Variants in RINT1 observed in about 807,000 individuals in gnomAD.
RINT1 encodes RAD50 interactor 1.
RINT1 carries 75 observed loss-of-function variants against 97.7 expected under a neutral mutation model. The observed-to-expected ratio is 0.77, with a 90% CI of 0.64 to 0.93. RINT1 has a LOEUF of 0.93. RINT1 is among the 40% of genes least tolerant of loss of function. The probability of loss-of-function intolerance (pLI) is 0.00; values close to 1 mark genes in which losing one functional copy is unlikely to be tolerated. For synonymous variants in RINT1, 303 were observed against 326.3 expected (o/e 0.93, Z 0.77); for missense variants, 892 against 925.2 (o/e 0.96, Z 0.47).
In RINT1 at chr7:105,536,602, A is replaced by C. The variant is rs767609311; in HGVS notation, c.126A>C (p.Gln42His). ...INVTVLIGSKQVSEGTDNGDL... is the reference protein window; with the variant it reads ...INVTVLIGSKHVSEGTDNGDL... Reference sequence around the variant, plus strand: ...TTACAGTTCTTATTGGAAGTAAACAAGTCAGTGAAGGTACAGATAATGGTG... The same window carrying C: ...TTACAGTTCTTATTGGAAGTAAACACGTCAGTGAAGGTACAGATAATGGTG... Residue 42 changes from glutamine (Q) to histidine (H), a missense_variant, in exon 3 of 15, where the codon CAA becomes CAC. By Grantham distance (24) the Gln-to-His change is conservative. Transcript: ENST00000257700. The C allele has an allele frequency of 5.6e-6, 9 of 1,605,114 alleles. No individual in the cohort carries two copies. In the East Asian group the frequency reaches 8.9e-5, roughly 16 times the overall value.
chr7:105,559,338 C>T (rs760523935), intron 11 of RINT1, among the ~76,000 whole-genome samples: 2 of 151,114 alleles, frequency 1.3e-5, no homozygotes, highest in African/African-American at 2.4e-5. Flanking sequence ...GTCAGGAGTT[C>T]GAGACCAGCC....
At chr7:105,543,249 C>A (rs1790534577) in intron 4 of RINT1, among the ~76,000 whole-genome samples, 1 of 152,024 alleles carries the variant, frequency 6.6e-6, no homozygotes, top group South Asian at 2.1e-4. Flanking sequence ...CTTTGTAATG[C>A]CAAATTAATA....
chr7:105,566,183 CAGG>C (rs1319931580), intron 14 of RINT1: 2 of 148,468 alleles, frequency 1.3e-5, no homozygotes, highest in Non-Finnish European at 3.0e-5. Context: ...GAGGCTGAGG[CAGG>C]AGAATGATGT....
chr7:105,541,300 C>A (rs1316327408), intron 3 of RINT1, among the ~76,000 whole-genome samples: 1 of 150,340 alleles, frequency 6.7e-6, no homozygotes, highest in Non-Finnish European at 1.5e-5. Context: ...CCAAACCTGG[C>A]TAGTTTTTGT....
At chr7:105,559,133 G>A (rs976287880) in intron 11 of RINT1, among the ~76,000 whole-genome samples, 2 of 151,054 alleles carry the variant, frequency 1.3e-5, no homozygotes, top group Non-Finnish European at 3.0e-5. Flanking sequence ...GGTGGCTCAC[G>A]CCTGTAATCC....
In RINT1 at chr7:105,550,375, T is replaced by C; in HGVS notation, c.1222T>C (p.Phe408Leu). Residue 408 changes from phenylalanine (F) to leucine (L), a missense_variant, in exon 9 of 15, where the codon TTT becomes CTT. Physicochemically the swap from Phe to Leu is conservative, Grantham distance 22 (BLOSUM62 0). Transcript: ENST00000257700. ...TCATTTGGTGGATGAAGTACTCTTGTTTGAAAGGGAGCTACACAGTGTTCA... is the reference window on the plus strand; with the variant it reads ...TCATTTGGTGGATGAAGTACTCTTGCTTGAAAGGGAGCTACACAGTGTTCA... ...FCHLVDEVLL[F>L]ERELHSVHGY... 6.2e-7 allele frequency: 1 copy of C among 1,614,136 alleles called. No individual in the cohort carries two copies. The highest frequency in any genetic ancestry group is 1.1e-5 in the South Asian group (1 of 91,090).
chr7:105,532,217 C>G lies in RINT1; in HGVS notation c.-99C>G, dbSNP rs1188717613. The G allele has an allele frequency of 1.5e-6, 2 of 1,354,910 alleles. No homozygotes were observed. Among genetic ancestry groups the G allele is most frequent in the Admixed American group, 4.2e-5 (2 of 47,954 alleles). The allele number at this position is 1,354,910 out of a possible 1,614,324, so 83.9% of individuals were successfully genotyped here. A position where few individuals can be genotyped will look rare whatever the true frequency, so the allele number is the denominator to read the frequency against. ...GAAGTCGCTGTGGCACTCAGTCCTA[C>G]GGCCTCCGAGGCTGGGTAGTGAGTG... On this transcript the variant is annotated 5_prime_UTR_variant, in exon 1 of 15. Coordinates refer to ENST00000257700, the MANE Select transcript of RINT1 (RefSeq NM_021930.6).
chr7:105,560,734 T>C (rs537894664), intron 11 of RINT1, among the ~76,000 whole-genome samples: 2 of 152,290 alleles, frequency 1.3e-5, no homozygotes. Flanking sequence ...TTGGTTTTTT[T>C]TTTGAGACAA....
chr7:105,563,609 G>A (rs1791541043), intron 11 of RINT1, 124 bp from the exon 12 acceptor site: 3 of 768,394 alleles, frequency 3.9e-6, no homozygotes, highest in South Asian at 1.8e-5. Flanking sequence ...TGGGATTACA[G>A]GCATGAGCCA....
intron 7 of RINT1, among the ~76,000 whole-genome samples, chr7:105,549,424 C>T (rs1790830797): frequency 6.6e-6 from 1 of 151,998 alleles, no homozygotes; most frequent in South Asian, 2.1e-4. Context: ...TCTCGGCTCA[C>T]TGCAACCTCT....
At chr7:105,547,137 A>G (rs777965102) in intron 5 of RINT1, 47 bp from the exon 6 acceptor site, 2 of 1,612,370 alleles carry the variant, frequency 1.2e-6, no homozygotes, top group African/African-American at 2.7e-5. Context: ...GTATTTGGTG[A>G]TCATTTGGTG....
At chr7:105,533,364 G>A (rs1039800537) in intron 2 of RINT1, among the ~76,000 whole-genome samples, 1 of 152,184 alleles carries the variant, frequency 6.6e-6, no homozygotes, top group Admixed American at 6.5e-5. Context: ...GACTGGACAG[G>A]AAAGGGGGAA....
At chr7:105,542,971 A>G (rs1790520815) in intron 4 of RINT1, among the ~76,000 whole-genome samples, 1 of 149,732 alleles carries the variant, frequency 6.7e-6, no homozygotes, top group Non-Finnish European at 1.5e-5. Flanking sequence ...TGCAAGCTAC[A>G]CCTCCCGGGT....
In RINT1 at chr7:105,551,722, T is replaced by A; in HGVS notation, c.1471+15T>A. The A allele has an allele frequency of 6.3e-7, 1 of 1,577,518 alleles. No homozygotes were observed. Among genetic ancestry groups the A allele is most frequent in the Non-Finnish European group, 8.6e-7 (1 of 1,162,886 alleles). On this transcript the variant is annotated intron_variant, in intron 10 of 14. Coordinates refer to ENST00000257700, the MANE Select transcript of RINT1 (RefSeq NM_021930.6). ...GGTTATAACTGGTAAGTATGTCTTTTAAGATATGACTTTGTTTTAAAAGTA... is the reference window on the plus strand; with the variant it reads ...GGTTATAACTGGTAAGTATGTCTTTAAAGATATGACTTTGTTTTAAAAGTA...
intron 11 of RINT1, among the ~76,000 whole-genome samples, chr7:105,556,966 C>T (rs1791209540): frequency 6.6e-6 from 1 of 152,040 alleles, no homozygotes; most frequent in Admixed American, 6.6e-5. Flanking sequence ...ACAGGGTGCC[C>T]TTAGGTTAAG....
chr7:105,563,402 C>A (rs746141170), intron 11 of RINT1, among the ~76,000 whole-genome samples: 2 of 152,120 alleles, frequency 1.3e-5, no homozygotes, highest in Non-Finnish European at 2.9e-5. Context: ...ACTTTGTCGC[C>A]CAGGCTGGAG....
rs764854638 is a variant in RINT1, at chr7:105,565,315, T to G, written c.1925T>G (p.Met642Arg). The G allele has an allele frequency of 6.2e-7, 1 of 1,613,754 alleles. No individual in the cohort carries two copies. The highest frequency in any genetic ancestry group is 8.5e-7 in the Non-Finnish European group (1 of 1,179,630). The change falls in exon 13 of 15, where the codon ATG becomes AGG. Residue 642 changes from methionine (M) to arginine (R), a missense_variant. Coordinates refer to ENST00000257700, the MANE Select transcript of RINT1 (RefSeq NM_021930.6). ...SLPSQSEQAV[M>R]SLSSSACPLL... ...CCATCTCAGTCAGAGCAGGCAGTGA[T>G]GTCCCTGTCCAGTTCGGCTTGCCCG...
At chr7:105,554,981 A>G in intron 10 of RINT1, 47 bp from the exon 11 acceptor site, 1 of 1,480,040 alleles carries the variant, frequency 6.8e-7, no homozygotes, top group Non-Finnish European at 9.4e-7. Context: ...TAACTATATC[A>G]TAGATGGTAC....
At position 105,563,871 on chromosome 7, in the gene RINT1, CATG is replaced by C. The variant is rs777410924; in HGVS notation, c.1813_1815del (p.Asp605del). On this transcript the variant is annotated inframe_deletion, in exon 12 of 15. Coordinates refer to ENST00000257700, the MANE Select transcript of RINT1 (RefSeq NM_021930.6). ...GATTAACCTCTTAGAACGTTTAAAG[CATG>C]ATATGTTGACCCGTCAAGTAGACCA... 3 of 1,613,968 alleles carry C rather than the reference CATG, an allele frequency of 1.9e-6. No homozygotes were observed. The highest frequency in any genetic ancestry group is 2.5e-6 in the Non-Finnish European group (3 of 1,180,012).
Sources: allele counts gnomAD v4.1 joint callset (sites outside exome capture counted in the v4.1 genomes callset), GRCh38; gene constraint gnomAD v4.1.1; transcripts MANE v1.5; gene names NCBI Gene and HGNC (gene_info 2026-07-23, HGNC 2026-07-21).